Variants in NAV2 observed in about 807,000 individuals in gnomAD.
NAV2 encodes helicase, APC down-regulated 1.
NAV2 carries 54 observed loss-of-function variants against 223.2 expected under a neutral mutation model. That is an observed-to-expected ratio of 0.24 (90% CI 0.19 to 0.30). NAV2 has a LOEUF of 0.30. Ranked by LOEUF, NAV2 falls within the 10% of genes least tolerant of loss-of-function variation. The pLI is 1.00. For missense variants in NAV2, 2,806 were observed against 3,147.5 expected (o/e 0.89, Z 2.60); for synonymous variants, 1,279 against 1,239.3 (o/e 1.03, Z -0.67).
intron 10 of NAV2, among the ~76,000 whole-genome samples, chr11:19,960,853 G>A (rs1008331460): frequency 2.2e-4 from 33 of 151,880 alleles, no homozygotes; most frequent in Non-Finnish European, 8.8e-5. Flanking sequence ...CTCAAGTGAT[G>A]CACCTGCCTT....
intron 1 of NAV2, among the ~76,000 whole-genome samples, chr11:19,551,370 G>A (rs1021181309): frequency 6.6e-6 from 1 of 152,256 alleles, no homozygotes; most frequent in Non-Finnish European, 1.5e-5. Context: ...GAGGGGATCT[G>A]CAGATCAGGC....
rs192398602 is a variant in NAV2, at chr11:19,643,433, C to T, written c.76-189051C>T. On this transcript the variant is annotated intron_variant, in intron 1 of 37. Transcript: ENST00000360655. The stretch of plus-strand genomic sequence containing the variant: ...TGCGGTGTTTGGTTTTTCGTCCTTG[C>T]GATAGTTTGCTGAGAATGATAGTTT... 4.6e-3 allele frequency among the ~76,000 whole-genome samples: 687 copies of T among 150,920 alleles called. 6 individuals are homozygous for T. Among genetic ancestry groups the T allele is most frequent in the African/African-American group, 0.016 (645 of 41,076 alleles).
At chr11:20,003,252 C>T (rs1293936093) in intron 11 of NAV2, among the ~76,000 whole-genome samples, 1 of 152,296 alleles carries the variant, frequency 6.6e-6, no homozygotes, top group Admixed American at 6.5e-5. Flanking sequence ...ACATCATAAC[C>T]TGGTGAGAAC....
At chr11:19,688,658 C>G (rs935487013) in intron 1 of NAV2, among the ~76,000 whole-genome samples, 1 of 152,220 alleles carries the variant, frequency 6.6e-6, no homozygotes, top group Non-Finnish European at 1.5e-5. Flanking sequence ...GCACCAGTCA[C>G]TCAGGGGGAT....
At chr11:19,621,190 G>A (rs376817441) in intron 1 of NAV2, among the ~76,000 whole-genome samples, 15 of 152,176 alleles carry the variant, frequency 9.9e-5, no homozygotes, top group Non-Finnish European at 1.5e-4. Context: ...TTTTTGCATC[G>A]ATGTTCATCA....
chr11:19,650,241 C>T, intron 1 of NAV2, among the ~76,000 whole-genome samples: 1 of 152,242 alleles, frequency 6.6e-6, no homozygotes. Context: ...TGGAGACAGA[C>T]AGCTGCAGAG....
chr11:19,960,995 G>A lies in NAV2; in HGVS notation c.2645+11915G>A, dbSNP rs564724398. Among the ~76,000 whole-genome samples, 29 of 152,312 alleles carry A rather than the reference G, an allele frequency of 1.9e-4. 1 individual carries two copies. The highest frequency in any genetic ancestry group is 7.0e-4 in the African/African-American group (29 of 41,562). ...CAGTGTTATGCAAATGGACCTGGAA[G>A]ACAGAGACCCGAGGGCTCACAGACA... is the stretch of plus-strand genomic sequence containing the variant. On this transcript the variant is annotated intron_variant, in intron 10 of 37. Coordinates refer to ENST00000349880, the MANE Select transcript of NAV2 (RefSeq NM_145117.5).
At chr11:20,053,829 C>A (rs1246336980) in intron 17 of NAV2, among the ~76,000 whole-genome samples, 5 of 152,190 alleles carry the variant, frequency 3.3e-5, no homozygotes, top group Non-Finnish European at 5.9e-5. Flanking sequence ...CTCTTCTGAG[C>A]ATTTACCAAT....
chr11:19,897,317 G>A (rs896111521), intron 6 of NAV2, among the ~76,000 whole-genome samples: 1 of 152,016 alleles, frequency 6.6e-6, no homozygotes, highest in Non-Finnish European at 1.5e-5. Context: ...CACCAACATG[G>A]CACGGGTATA....
At chr11:19,462,495 CT>C (rs1436335621) in intron 1 of NAV2, among the ~76,000 whole-genome samples, 1 of 152,220 alleles carries the variant, frequency 6.6e-6, no homozygotes, top group Non-Finnish European at 1.5e-5. Context: ...GCTATGCCCA[CT>C]TTGGTTTTAG....
chr11:19,691,668 C>T (rs1441397733), intron 1 of NAV2, among the ~76,000 whole-genome samples: 3 of 152,196 alleles, frequency 2.0e-5, no homozygotes, highest in Non-Finnish European at 4.4e-5. Context: ...CTCAGGTTCA[C>T]ACCATTCTCC....
intron 1 of NAV2, among the ~76,000 whole-genome samples, chr11:19,374,641 C>T (rs377636302): frequency 7.2e-4 from 110 of 152,286 alleles, no homozygotes; most frequent in African/African-American, 1.0e-3. Flanking sequence ...ACTTAATGAG[C>T]TAGATCAACT....
chr11:19,557,394 T>G (rs1171694063), intron 1 of NAV2, among the ~76,000 whole-genome samples: 1 of 152,244 alleles, frequency 6.6e-6, no homozygotes, highest in African/African-American at 2.4e-5. Context: ...CTGAATGTTT[T>G]GTTTGTAGAA....
chr11:19,431,910 T>C (rs1439813772), intron 1 of NAV2, among the ~76,000 whole-genome samples: 2 of 152,188 alleles, frequency 1.3e-5, no homozygotes, highest in African/African-American at 2.4e-5. Context: ...TCGAAAGTAT[T>C]GATAAGACTG....
intron 11 of NAV2, among the ~76,000 whole-genome samples, chr11:20,014,180 A>G (rs1028035530): frequency 3.9e-5 from 6 of 152,042 alleles, no homozygotes; most frequent in African/African-American, 7.2e-5. Context: ...CTTCTCCCCG[A>G]TTACACTTCC....
chr11:19,975,383 G>C (rs1314152434), intron 10 of NAV2, among the ~76,000 whole-genome samples: 2 of 152,168 alleles, frequency 1.3e-5, no homozygotes, highest in Non-Finnish European at 2.9e-5. Flanking sequence ...TTGGCTCTTT[G>C]TGCATCGGAG....
Position 19,933,615 on chromosome 11 carries a change from CA to C in NAV2, c.1372del (p.Ser458AlafsTer18). The C allele has an allele frequency of 1.2e-6, 2 of 1,614,042 alleles. No homozygotes were observed. Among genetic ancestry groups the C allele is most frequent in the Non-Finnish European group, 1.7e-6 (2 of 1,179,908 alleles). Reference protein sequence around the residue: ...MLTTVGPASSSPKIALKGIAQ... With the variant: ...MLTTVGPASSXPKIALKGIAQ... ...TCACCACCGTGGGCCCTGCTTCCAG[CA>C]GCCCCAAGATTGCACTCAAGGGCAT... On this transcript the variant is annotated frameshift_variant, in exon 7 of 38. Transcript: ENST00000349880. LOFTEE classifies it high-confidence loss of function. The surrounding 1 kb of genome is among the most constrained non-coding windows in gnomAD (Gnocchi z 4.3).
chr11:20,063,376 T>C (rs980726520), intron 20 of NAV2, among the ~76,000 whole-genome samples: 3 of 72,226 alleles, frequency 4.2e-5, no homozygotes, highest in Non-Finnish European at 8.2e-5. Context: ...GTACACTATT[T>C]ATTTTATTTT....
intron 1 of NAV2, among the ~76,000 whole-genome samples, chr11:19,763,387 G>A (rs1267031933): frequency 6.6e-6 from 1 of 152,236 alleles, no homozygotes; most frequent in Non-Finnish European, 1.5e-5. Flanking sequence ...TCGACTATCA[G>A]AACAGCATTA....
Sources: allele counts gnomAD v4.1 joint callset (sites outside exome capture counted in the v4.1 genomes callset), GRCh38; gene constraint gnomAD v4.1.1; non-coding constraint Gnocchi (gnomAD v3.1); transcripts MANE v1.5; gene names NCBI Gene and HGNC (gene_info 2026-07-23, HGNC 2026-07-21).